ANKRD28: variants seen among roughly 807,000 people sequenced by gnomAD.
The protein encoded by ANKRD28 is ankyrin repeat domain 28.
Under a neutral mutation model 126.5 loss-of-function variants are expected in ANKRD28, and 44 were observed. That is an observed-to-expected ratio of 0.35 (90% CI 0.27 to 0.45). The LOEUF (loss-of-function observed/expected upper bound fraction) is 0.45, where lower values mean the gene tolerates loss of function less well. Ranked by LOEUF, ANKRD28 falls within the 20% of genes least tolerant of loss-of-function variation. The pLI is 1.00. For synonymous variants in ANKRD28, 442 were observed against 468.5 expected, an observed-to-expected ratio of 0.94 and a Z score of 0.73; for missense variants, 1,110 against 1,316.6, an observed-to-expected ratio of 0.84 and a Z score of 2.43.
In ANKRD28 at chr3:15,667,789, A is replaced by T. The variant is rs1372572224; in HGVS notation, c.*2481T>A. 6.6e-6 allele frequency: 1 copy of T among 152,226 alleles called. No homozygotes were observed. The highest frequency in any genetic ancestry group is 2.4e-5 in the African/African-American group (1 of 41,458). 9.4% of individuals were successfully genotyped at this position (152,226 alleles called of 1,614,324 possible). A position where few individuals can be genotyped will look rare whatever the true frequency, so the allele number is the denominator to read the frequency against. ...GGGTGGCATTCGCAAGAACTACCTT[A>T]ATGTTTTTGGTAACAGCATCATTTA... On this transcript the variant is annotated 3_prime_UTR_variant, in exon 28 of 28. Transcript: ENST00000683139.
At chr3:15,693,411 C>A (rs1480193678) in intron 17 of ANKRD28, among the ~76,000 whole-genome samples, 2 of 19,764 alleles carry the variant, frequency 1.0e-4, no homozygotes, top group African/African-American at 2.2e-4. Context: ...GAGAAACTTG[C>A]CAAATTGAAG....
At chr3:15,790,504 C>T (rs2059977683) in intron 2 of ANKRD28, among the ~76,000 whole-genome samples, 1 of 151,920 alleles carries the variant, frequency 6.6e-6, no homozygotes, top group Non-Finnish European at 1.5e-5. Context: ...AATCAATTAA[C>T]ATGATATATC....
At chr3:15,786,461 C>T (rs2059783380) in intron 2 of ANKRD28, among the ~76,000 whole-genome samples, 2 of 151,772 alleles carry the variant, frequency 1.3e-5, no homozygotes, top group Admixed American at 1.3e-4. Context: ...TAGTAATTAC[C>T]AGGGAGAGGA....
chr3:15,751,597 A>T (rs547671900), intron 4 of ANKRD28, among the ~76,000 whole-genome samples, 153 bp downstream of exon 4: 2 of 152,184 alleles, frequency 1.3e-5, no homozygotes, highest in Non-Finnish European at 2.9e-5. Context: ...GAAACAATTA[A>T]CTTGGTTTGT....
chr3:15,684,082 T>A (rs963505799), intron 21 of ANKRD28: 1 of 152,220 alleles, frequency 6.6e-6, no homozygotes, highest in Non-Finnish European at 1.5e-5. Context: ...AAACAAATTT[T>A]AAAAACCTCT....
intron 3 of ANKRD28, among the ~76,000 whole-genome samples, chr3:15,754,888 G>A (rs1480836941): frequency 3.3e-5 from 5 of 152,120 alleles, no homozygotes; most frequent in East Asian, 1.9e-4. Flanking sequence ...AGACCAAGGC[G>A]GGCAAATCAC....
chr3:15,724,548 A>G, intron 6 of ANKRD28, 24 bp from the exon 7 acceptor site: 1 of 1,544,902 alleles, frequency 6.5e-7, no homozygotes, highest in Non-Finnish European at 8.7e-7. Context: ...TTTGAAGAAA[A>G]AAATAGAGAT....
At chr3:15,848,407 G>C (rs1319736164) in intron 1 of ANKRD28, among the ~76,000 whole-genome samples, 1 of 152,188 alleles carries the variant, frequency 6.6e-6, no homozygotes, top group East Asian at 1.9e-4. Context: ...GAATGTAGTG[G>C]CTCACACCTG....
At chr3:15,694,594 A>T in intron 17 of ANKRD28, 145 bp downstream of exon 17, 1 of 522,058 alleles carries the variant, frequency 1.9e-6, no homozygotes, top group Non-Finnish European at 3.2e-6. Flanking sequence ...TCTCTGAATT[A>T]AAGAAAGTTC....
At chr3:15,758,367 A>G (rs978696255) in intron 3 of ANKRD28, among the ~76,000 whole-genome samples, 2 of 152,158 alleles carry the variant, frequency 1.3e-5, no homozygotes, top group African/African-American at 4.8e-5. Context: ...TTTTCCAACT[A>G]TAATGCTGAA....
At chr3:15,767,910 AC>A (rs201965508) in intron 2 of ANKRD28, among the ~76,000 whole-genome samples, 4,821 of 145,092 alleles carry the variant, frequency 0.033, 251 homozygotes, top group African/African-American at 0.12. Context: ...AAACAAAACA[AC>A]AAAAACAAAA....
rs1448570748 is a variant in ANKRD28 at position 15,854,353 on chromosome 3, G to A, written c.27+5024C>T. Among the ~76,000 whole-genome samples, 26 of 152,140 alleles carry A rather than the reference G, an allele frequency of 1.7e-4. No individual in the cohort carries two copies. ...TGGCTTGCCTTCACAGTTCCCTCTTGTTGCTTTCATTGACAACTGCTTGCT... is the reference window on the plus strand; with the variant it reads ...TGGCTTGCCTTCACAGTTCCCTCTTATTGCTTTCATTGACAACTGCTTGCT... On this transcript the variant is annotated intron_variant, in intron 1 of 27. Coordinates refer to the ANKRD28 transcript ENST00000399451. The surrounding 1 kb of genome is among the most constrained non-coding windows in gnomAD (Gnocchi z 4.1).
intron 1 of ANKRD28, among the ~76,000 whole-genome samples, chr3:15,857,860 G>C (rs894348514): frequency 6.6e-6 from 1 of 152,184 alleles, no homozygotes; most frequent in African/African-American, 2.4e-5. Flanking sequence ...AGAAACAAAG[G>C]AAAACATCGA....
chr3:15,714,425 TTAATA>T (rs1377948095), intron 9 of ANKRD28, among the ~76,000 whole-genome samples, 148 bp downstream of exon 9: 4 of 151,674 alleles, frequency 2.6e-5, no homozygotes, highest in Non-Finnish European at 2.9e-5. Flanking sequence ...TTTATACTCT[TTAATA>T]TTTTATTTTC....
At chr3:15,712,877 CAGAT>C (rs945197052) in intron 10 of ANKRD28, among the ~76,000 whole-genome samples, 5 of 151,992 alleles carry the variant, frequency 3.3e-5, no homozygotes, top group African/African-American at 7.3e-5. Flanking sequence ...AGTTACAAAA[CAGAT>C]AGGTGCAGTA....
rs532228389 is a variant in ANKRD28, at chr3:15,708,060, G to C, written c.1411C>G (p.Pro471Ala). The C allele has an allele frequency of 3.1e-6, 5 of 1,601,696 alleles. No homozygotes were observed. Among genetic ancestry groups the C allele is most frequent in the Non-Finnish European group, 3.4e-6 (4 of 1,173,980 alleles). ...CAGTTGGCAGCAGCGTAGTGCAGTG[G>C]AGATCTTTTGGGTCCAAGTTAATAC... ...FNKKDKFGRS[P>A]LHYAAANCNY... Residue 471 changes from proline to alanine, a missense_variant, in exon 14 of 28, where the codon CCA (proline) becomes GCA (alanine). Transcript: ENST00000683139.
chr3:15,826,487 A>G (rs1210361808), intron 1 of ANKRD28, among the ~76,000 whole-genome samples: 1 of 152,206 alleles, frequency 6.6e-6, no homozygotes, highest in Non-Finnish European at 1.5e-5. Flanking sequence ...TAAACACAGT[A>G]TAAGTGAAAA....
At chr3:15,784,256 T>C (rs954502055) in intron 2 of ANKRD28, among the ~76,000 whole-genome samples, 1 of 152,022 alleles carries the variant, frequency 6.6e-6, no homozygotes, top group Non-Finnish European at 1.5e-5. Context: ...TTTGAATTGA[T>C]CTAACAGACA....
intron 1 of ANKRD28, among the ~76,000 whole-genome samples, chr3:15,858,328 TGATACCTAATGATACACA>T (rs2061819292): frequency 2.6e-5 from 4 of 152,354 alleles, no homozygotes; most frequent in African/African-American, 9.6e-5. Context: ...AAGACCATTC[TGATACCTAATGATACACA>T]AGGTCTGCGA....
Sources: allele counts gnomAD v4.1 joint callset (sites outside exome capture counted in the v4.1 genomes callset), GRCh38; gene constraint gnomAD v4.1.1; non-coding constraint Gnocchi (gnomAD v3.1); transcripts MANE v1.5; gene names NCBI Gene and HGNC (gene_info 2026-07-23, HGNC 2026-07-21).